Variants in RMP64 observed in about 807,000 individuals in gnomAD.
The protein encoded by RMP64 is ribonuclease MRP subunit p64.
the RMP64 span, among the ~76,000 whole-genome samples, chr3:113,017,197 G>C: frequency 1.3e-5 from 2 of 152,120 alleles, no homozygotes; most frequent in East Asian, 1.9e-4. Context: ...ATGTTTACTT[G>C]CCTATTAGAA....
At chr3:113,005,667 C>T in the RMP64 span, 1 of 1,613,962 alleles carries the variant, frequency 6.2e-7, no homozygotes. Context: ...CTAAGATTTT[C>T]ATGAATCATT....
At chr3:113,003,647 T>G in the RMP64 span, 1 of 152,224 alleles carries the variant, frequency 6.6e-6, no homozygotes, top group African/African-American at 2.4e-5. Flanking sequence ...AAACAAATGC[T>G]AGACTGGCAG....
chr3:113,007,986 T>C, the RMP64 span, among the ~76,000 whole-genome samples: 2 of 152,222 alleles, frequency 1.3e-5, no homozygotes, highest in African/African-American at 4.8e-5. Context: ...GTTTATCTTC[T>C]TCCTCCAATG....
the RMP64 span, chr3:113,014,046 A>G: frequency 6.3e-7 from 1 of 1,576,646 alleles, no homozygotes; most frequent in Non-Finnish European, 8.7e-7. Flanking sequence ...AAAGAAGAAG[A>G]GCAGTTCAAA....
the RMP64 span, chr3:113,008,619 C>A: frequency 4.0e-6 from 2 of 500,338 alleles, no homozygotes; most frequent in South Asian, 3.3e-5. Flanking sequence ...AAAATACGTA[C>A]CCCATAAATA....
the RMP64 span, chr3:113,011,503 T>A: frequency 9.0e-7 from 1 of 1,113,576 alleles, no homozygotes; most frequent in Non-Finnish European, 1.3e-6. Context: ...TAAATGGCTA[T>A]CAAGGTCCTC....
the RMP64 span, chr3:113,005,630 G>A: frequency 1.5e-5 from 25 of 1,613,472 alleles, no homozygotes; most frequent in African/African-American, 5.3e-5. Context: ...CACCGTCCAC[G>A]AATCAGTTTC....
At chr3:113,017,109 C>T in the RMP64 span, among the ~76,000 whole-genome samples, 1 of 152,168 alleles carries the variant, frequency 6.6e-6, no homozygotes, top group East Asian at 1.9e-4. Context: ...TAATGTCCAA[C>T]ATTTTGTCTT....
chr3:113,005,991 G>C, the RMP64 span: 2 of 1,607,768 alleles, frequency 1.2e-6, no homozygotes, highest in Non-Finnish European at 1.7e-6. Flanking sequence ...ATGCACTCTA[G>C]TTTCTTTGGC....
chr3:113,005,595 A>G, the RMP64 span: 1 of 1,613,776 alleles, frequency 6.2e-7, no homozygotes, highest in Non-Finnish European at 8.5e-7. Context: ...ATGGTTCCTG[A>G]TGTACTGTTT....
At chr3:113,008,477 T>A in the RMP64 span, 1 of 1,496,232 alleles carries the variant, frequency 6.7e-7, no homozygotes, top group East Asian at 2.3e-5. Context: ...TGTTACTGAC[T>A]TGTAATTATA....
the RMP64 span, chr3:113,012,671 A>C: frequency 1.1e-6 from 1 of 930,474 alleles, no homozygotes; most frequent in Non-Finnish European, 1.7e-6. Flanking sequence ...AAAACTACTA[A>C]TAAGAAACCT....
the RMP64 span, chr3:113,010,530 A>G: frequency 1.2e-6 from 1 of 819,662 alleles, no homozygotes; most frequent in Non-Finnish European, 2.0e-6. Context: ...CTAAGAAGGC[A>G]CTAAGCTTAG....
At chr3:113,013,326 A>G in the RMP64 span, 1 of 1,614,132 alleles carries the variant, frequency 6.2e-7, no homozygotes, top group South Asian at 1.1e-5. Context: ...GCAGGCTCCC[A>G]AAACCTTCAT....
chr3:113,012,156 C>T, the RMP64 span, among the ~76,000 whole-genome samples: 1 of 152,098 alleles, frequency 6.6e-6, no homozygotes, highest in Non-Finnish European at 1.5e-5. Flanking sequence ...CTTTAGTTTC[C>T]AAGTATTACC....
chr3:113,017,221 A>G, the RMP64 span, among the ~76,000 whole-genome samples: 752 of 152,378 alleles, frequency 4.9e-3, 8 homozygotes, highest in Non-Finnish European at 4.4e-3. Flanking sequence ...AGACTGGGAA[A>G]GAATCTAAAC....
chr3:113,007,968 ATTAACTT>A, the RMP64 span, among the ~76,000 whole-genome samples: 1 of 152,242 alleles, frequency 6.6e-6, no homozygotes, highest in South Asian at 2.1e-4. Flanking sequence ...CTGAAGTCCA[ATTAACTT>A]GTTTATCTTC....
chr3:113,006,045 A>G, the RMP64 span: 4 of 1,364,374 alleles, frequency 2.9e-6, no homozygotes, highest in Non-Finnish European at 4.1e-6. Context: ...GCTTAAGATG[A>G]GAAAAACATT....
At chr3:113,019,591 C>G in the RMP64 span, 1 of 1,613,802 alleles carries the variant, frequency 6.2e-7, no homozygotes, top group Non-Finnish European at 8.5e-7. Flanking sequence ...GGTTCCCCGC[C>G]TTAGGGATTC....
Sources: gnomAD v4.1 joint callset for allele counts (sites outside exome capture counted in the v4.1 genomes callset) on GRCh38, gnomAD v4.1.1 for gene constraint, MANE v1.5 for transcripts, NCBI Gene and HGNC (gene_info 2026-07-23, HGNC 2026-07-21) for gene names.